Variants in USP42 observed in about 807,000 individuals in gnomAD.
The protein encoded by USP42 is ubiquitin specific peptidase 42.
A neutral mutation model predicts 113.0 loss-of-function variants in USP42; 23 were observed. The observed-to-expected ratio is 0.20, with a 90% confidence interval of 0.15 to 0.29. The LOEUF (loss-of-function observed/expected upper bound fraction) is 0.29. Among genes scored for constraint, USP42 ranks in the 10% least tolerant of loss-of-function variants. The probability of loss-of-function intolerance (pLI) is 1.00; values close to 1 mark genes in which losing one functional copy is unlikely to be tolerated. For missense variants in USP42, 2,174 were observed against 1,779.8 expected (o/e 1.22, Z -3.99); for synonymous variants, 933 against 699.0 (o/e 1.33, Z -5.28).
Position 6,146,135 on chromosome 7 carries a change from C to G in USP42, c.1132-13C>G. ...AAATCTAATCTCTCTCTTTTATTGG[C>G]TCTCATTTATAGGCTAGCAATGGCC... On this transcript the variant is annotated splice_polypyrimidine_tract_variant and intron_variant, in intron 10 of 17. Coordinates refer to ENST00000306177, the MANE Select transcript of USP42 (RefSeq NM_032172.3). 1 of 1,510,716 alleles carries G rather than the reference C, an allele frequency of 6.6e-7. No homozygotes were observed. Among genetic ancestry groups the G allele is most frequent in the Non-Finnish European group, 9.0e-7 (1 of 1,105,916 alleles). 93.6% of individuals were successfully genotyped at this position (1,510,716 alleles called of 1,614,324 possible). A position where few individuals can be genotyped will look rare whatever the true frequency, so the allele number is the denominator to read the frequency against.
At chr7:6,092,041 C>CTT in the USP42 span, among the ~76,000 whole-genome samples, 1,937 of 94,886 alleles carry the variant, frequency 0.02, 208 homozygotes, top group Middle Eastern at 0.04. Flanking sequence ...TCTTCTTCTT[C>CTT]TTCTTCTTCT....
At position 6,161,082 on chromosome 7, in the gene USP42, A is replaced by C. The variant is rs749794022; in HGVS notation, c.*564A>C. The C allele has an allele frequency of 7.2e-5, 11 of 152,680 alleles. No homozygotes were observed. Among genetic ancestry groups the C allele is most frequent in the Middle Eastern group, 3.2e-3 (1 of 316 alleles). 9.5% of individuals were successfully genotyped at this position (152,680 alleles called of 1,614,324 possible). A position where few individuals can be genotyped will look rare whatever the true frequency, so the allele number is the denominator to read the frequency against. ...GATTTGAAGATGTATTTTATAGACA[A>C]GTTCTGTTTTTGAACTTTGTGGAAC... On this transcript the variant is annotated 3_prime_UTR_variant, in exon 18 of 18. Transcript: ENST00000306177.
chr7:6,149,132 T>C lies in USP42; in HGVS notation c.1387-451T>C, dbSNP rs1250071087. On this transcript the variant is annotated intron_variant, in intron 12 of 17. Coordinates refer to ENST00000306177, the MANE Select transcript of USP42 (RefSeq NM_032172.3). ...GAGACGTTGTGGGGCAGTGGTGGGG[T>C]CATGGCTGAGTGAGTGGCGGCTGAA... is the stretch of plus-strand genomic sequence containing the variant. Among the ~76,000 whole-genome samples the C allele has an allele frequency of 2.0e-5, 3 of 152,136 alleles. No individual in the cohort carries two copies. In the East Asian group the frequency reaches 5.8e-4, roughly 29 times the overall value.
At chr7:6,117,197 TC>T (rs1262631013) in intron 3 of USP42, among the ~76,000 whole-genome samples, 3 of 152,128 alleles carry the variant, frequency 2.0e-5, no homozygotes. Flanking sequence ...ACCCTTTCCA[TC>T]CTTTCCCCAC....
chr7:6,129,910 A>C (rs1005317678), intron 3 of USP42, among the ~76,000 whole-genome samples: 1 of 152,132 alleles, frequency 6.6e-6, no homozygotes, highest in East Asian at 1.9e-4. Context: ...ACCATATCAG[A>C]CAATGTTATA....
chr7:6,101,944 C>T (rs1347002924), upstream of USP42, among the ~76,000 whole-genome samples: 11 of 149,704 alleles, frequency 7.3e-5, no homozygotes, highest in East Asian at 1.4e-3. Flanking sequence ...AAAAATTAGC[C>T]GGGTACAGTG....
the USP42 span, among the ~76,000 whole-genome samples, chr7:6,090,802 ATATAGT>A: frequency 7.3e-6 from 1 of 137,538 alleles, no homozygotes; most frequent in African/African-American, 3.2e-5. Flanking sequence ...TATATATAAC[ATATAGT>A]TATATATATA....
At position 6,160,997 on chromosome 7, in the gene USP42, A is replaced by G. The variant is rs970651009; in HGVS notation, c.*479A>G. Reference sequence around the variant, plus strand: ...AGCTCTCACCTAGACTTTGGAGAGCAGTCTGTTTTCTGTAATGTCTGATAC... The same window carrying G: ...AGCTCTCACCTAGACTTTGGAGAGCGGTCTGTTTTCTGTAATGTCTGATAC... On this transcript the variant is annotated 3_prime_UTR_variant, in exon 18 of 18. Coordinates refer to ENST00000306177, the MANE Select transcript of USP42 (RefSeq NM_032172.3). The G allele has an allele frequency of 1.3e-5, 2 of 152,678 alleles. No homozygotes were observed. Among genetic ancestry groups the G allele is most frequent in the Non-Finnish European group, 2.9e-5 (2 of 68,042 alleles). The allele number at this position is 152,678 out of a possible 1,614,324, so 9.5% of individuals were successfully genotyped here.
In USP42 at chr7:6,158,290, C is replaced by T. The variant is rs118120373; in HGVS notation, c.3944-1160C>T. 0.013 allele frequency among the ~76,000 whole-genome samples: 2,011 copies of T among 152,316 alleles called. 26 individuals are homozygous for T. Among genetic ancestry groups the T allele is most frequent in the Middle Eastern group, 0.061 (18 of 294 alleles). ...GGCAGGGACCGTGTGGCTCGCAAAG[C>T]GGAAAATGTTTATTATTGCCCCTTG... is the stretch of plus-strand genomic sequence containing the variant. On this transcript the variant is annotated intron_variant, in intron 16 of 17. Transcript: ENST00000306177. This position sits in a 1 kb window ranked among gnomAD's most constrained non-coding sequence, Gnocchi z 4.2.
In USP42 at chr7:6,150,237, T is replaced by C; in HGVS notation, c.2041T>C (p.Cys681Arg). Residue 681 changes from cysteine (C) to arginine (R), a missense_variant, in exon 13 of 18, where the codon TGC (cysteine) becomes CGC (arginine). Physicochemically the swap from Cys to Arg is radical, Grantham distance 180. Coordinates refer to ENST00000306177, the MANE Select transcript of USP42 (RefSeq NM_032172.3). The stretch of plus-strand genomic sequence containing the variant: ...CGGCCTAGCGCCTGATGGTGCCAGC[T>C]GCCAAGGCCAGCCTGCCCTGCACTC... ...ENGLAPDGASCQGQPALHSEN... is the reference protein window; with the variant it reads ...ENGLAPDGASRQGQPALHSEN... 3 of 1,613,872 alleles carry C rather than the reference T, an allele frequency of 1.9e-6. No individual in the cohort carries two copies. Among genetic ancestry groups the C allele is most frequent in the South Asian group, 1.1e-5 (1 of 91,078 alleles).
At chr7:6,128,472 TC>T (rs1235402355) in intron 3 of USP42, among the ~76,000 whole-genome samples, 6 of 152,162 alleles carry the variant, frequency 3.9e-5, no homozygotes, top group African/African-American at 1.4e-4. Context: ...GCATGACATA[TC>T]TTTTTTATCC....
At position 6,145,570 on chromosome 7, in the gene USP42, G is replaced by A. The variant is rs762113758; in HGVS notation, c.1045G>A (p.Gly349Arg). 8 of 1,613,914 alleles carry A rather than the reference G, an allele frequency of 5.0e-6. No homozygotes were observed. Among genetic ancestry groups the A allele is most frequent in the Non-Finnish European group, 6.8e-6 (8 of 1,179,862 alleles). ...DIRPYMSQPN[G>R]EPIVYVLYAV... is the part of the protein sequence containing the mutation. ...TCGGCCATATATGTCTCAACCCAAC[G>A]GAGAGCCAATTGTCTACGTCTTGTA... The change falls in exon 10 of 18, where the codon GGA becomes AGA. Residue 349 changes from glycine to arginine, a missense_variant. Physicochemically the swap from Gly to Arg is moderately radical, Grantham distance 125. Transcript: ENST00000306177.
intron 12 of USP42, 102 bp from the exon 13 acceptor site, chr7:6,149,477 GAAAA>G (rs60551222): frequency 1.7e-4 from 197 of 1,151,800 alleles, no homozygotes; most frequent in Non-Finnish European, 2.3e-4. Context: ...TGTTAGTCCT[GAAAA>G]AAAAAAAAAG....
intron 3 of USP42, among the ~76,000 whole-genome samples, chr7:6,130,823 G>T (rs1197286733): frequency 6.6e-6 from 1 of 152,192 alleles, no homozygotes; most frequent in African/African-American, 2.4e-5. Context: ...GGCACACCAT[G>T]CAGGGCCATG....
At position 6,111,109 on chromosome 7, in the gene USP42, T is replaced by A; in HGVS notation, c.-9-16T>A. On this transcript the variant is annotated splice_polypyrimidine_tract_variant and intron_variant, in intron 1 of 17. Transcript: ENST00000306177. Reference sequence around the variant, plus strand: ...CTCACCTGATGAAACAAATACATACTTTTCATCTTTTGCAGAGTTGAACAA... The same window carrying A: ...CTCACCTGATGAAACAAATACATACATTTCATCTTTTGCAGAGTTGAACAA... 1.2e-6 allele frequency: 2 copies of A among 1,601,136 alleles called. No homozygotes were observed. Among genetic ancestry groups the A allele is most frequent in the Non-Finnish European group, 1.7e-6 (2 of 1,170,344 alleles).
chr7:6,106,220 T>A (rs1779267686), intron 1 of USP42, among the ~76,000 whole-genome samples: 1 of 152,244 alleles, frequency 6.6e-6, no homozygotes, highest in South Asian at 2.1e-4. Flanking sequence ...TTGGTTTACT[T>A]AAGTATAATT....
At chr7:6,096,246 G>A in the USP42 span, among the ~76,000 whole-genome samples, 7 of 151,250 alleles carry the variant, frequency 4.6e-5, 1 homozygote. Flanking sequence ...GCTGTGGTGG[G>A]CAGATCACTT....
chr7:6,150,072 A>C lies in USP42; in HGVS notation c.1876A>C (p.Asn626His), dbSNP rs746370770. ...DEESKGLGKE[N>H]GIGTIVSSHS... Reference sequence around the variant, plus strand: ...GGAGTCAAAGGGGCTGGGCAAGGAGAATGGGATTGGTACGATTGTGAGCTC... The same window carrying C: ...GGAGTCAAAGGGGCTGGGCAAGGAGCATGGGATTGGTACGATTGTGAGCTC... The change falls in exon 13 of 18, where the codon AAT becomes CAT. Residue 626 changes from asparagine to histidine, a missense_variant. Asn to His is a moderately conservative substitution (Grantham distance 68). Coordinates refer to ENST00000306177, the MANE Select transcript of USP42 (RefSeq NM_032172.3). 4.8e-5 allele frequency: 78 copies of C among 1,609,556 alleles called. No individual in the cohort carries two copies. The Admixed American group carries it at 1.3e-3, about 26-fold the overall frequency.
chr7:6,153,880 C>A lies in USP42; in HGVS notation c.2326C>A (p.Pro776Thr). The A allele has an allele frequency of 1.9e-6, 3 of 1,564,798 alleles. No homozygotes were observed. Among genetic ancestry groups the A allele is most frequent in the Non-Finnish European group, 8.6e-7 (1 of 1,156,888 alleles). Residue 776 changes from proline to threonine, a missense_variant, in exon 15 of 18, where the codon CCG becomes ACG. Coordinates refer to ENST00000306177, the MANE Select transcript of USP42 (RefSeq NM_032172.3). ...AAGLSSTKKA[P>T]PPRDPGTPAT... is the part of the protein sequence containing the mutation. ...CGGCCTCAGCAGCACCAAGAAGGCTCCGCCGCCCCGCGATCCCGGCACCCC... is the reference window on the plus strand; with the variant it reads ...CGGCCTCAGCAGCACCAAGAAGGCTACGCCGCCCCGCGATCCCGGCACCCC...
Sources: gnomAD v4.1 joint callset for allele counts (sites outside exome capture counted in the v4.1 genomes callset) on GRCh38, gnomAD v4.1.1 for gene constraint, Gnocchi (gnomAD v3.1) non-coding constraint, MANE v1.5 for transcripts, NCBI Gene and HGNC (gene_info 2026-07-23, HGNC 2026-07-21) for gene names.